The following LTN1 variants were observed in gnomAD, a reference collection of about 807,000 sequenced individuals.
LTN1 encodes listerin E3 ubiquitin protein ligase 1, also known as E3 ubiquitin-protein ligase listerin.
A neutral mutation model predicts 201.2 loss-of-function variants in LTN1; 88 were observed. The observed-to-expected ratio is 0.44, with a 90% CI of 0.37 to 0.52. The LOEUF (loss-of-function observed/expected upper bound fraction) is 0.52, where lower values mean the gene tolerates loss of function less well. LTN1 is among the 20% of genes least tolerant of loss of function. LTN1 has a pLI of 0.00. For missense variants in LTN1, 1,752 were observed against 2,038.7 expected (o/e 0.86, Z 2.71); for synonymous variants, 645 against 713.5 (o/e 0.90, Z 1.53).
intron 11 of LTN1, among the ~76,000 whole-genome samples, chr21:28,965,455 T>C (rs974282038): frequency 3.9e-5 from 6 of 152,176 alleles, no homozygotes; most frequent in African/African-American, 9.7e-5. Flanking sequence ...CTACATAGTG[T>C]TCCAGAGTAG....
At chr21:28,953,079 T>C (rs1325962235) in intron 17 of LTN1, 138 bp downstream of exon 17, 9 of 495,724 alleles carry the variant, frequency 1.8e-5, no homozygotes, top group Non-Finnish European at 2.8e-5. Flanking sequence ...CATAAACTAT[T>C]TATTATTAAG....
chr21:28,983,004 T>G (rs2084670675), intron 4 of LTN1, among the ~76,000 whole-genome samples: 1 of 152,142 alleles, frequency 6.6e-6, no homozygotes, highest in Admixed American at 6.5e-5. Flanking sequence ...TTGCCCAAGG[T>G]CACACACCTA....
Position 28,986,637 on chromosome 21 carries a change from A to ATTGTTCAT in LTN1, c.246+86_246+93dup. ...CAATTATAAAAGAACTTAGCAATAA[A>ATTGTTCAT]TTGTTCATTTTTCTTTACATAAAAC... On this transcript the variant is annotated intron_variant, in intron 2 of 29. Coordinates refer to ENST00000361371, the MANE Select transcript of LTN1 (RefSeq NM_015565.3). This position sits in a 1 kb window ranked among gnomAD's most constrained non-coding sequence, Gnocchi z 4.1. 1.1e-6 allele frequency: 1 copy of ATTGTTCAT among 919,600 alleles called. No individual in the cohort carries two copies. The allele number at this position is 919,600 out of a possible 1,614,324, so 57.0% of individuals were successfully genotyped here.
At chr21:28,942,159 C>G (rs2084302396) in intron 24 of LTN1, among the ~76,000 whole-genome samples, 1 of 152,170 alleles carries the variant, frequency 6.6e-6, no homozygotes, top group African/African-American at 2.4e-5. Context: ...CAGGCCTTCT[C>G]CAAACTTCTG....
chr21:28,938,284 T>C (rs768193730), intron 25 of LTN1, among the ~76,000 whole-genome samples: 5 of 152,200 alleles, frequency 3.3e-5, no homozygotes, highest in African/African-American at 7.2e-5. Context: ...TTAGGAGATA[T>C]ATGCTTAAAT....
intron 6 of LTN1, among the ~76,000 whole-genome samples, chr21:28,979,489 G>A (rs180958847): frequency 2.0e-4 from 31 of 152,208 alleles, no homozygotes; most frequent in African/African-American, 7.0e-4. Context: ...TGTACATACA[G>A]GAACATGATG....
At chr21:28,983,820 T>C (rs2084676680) in intron 4 of LTN1, among the ~76,000 whole-genome samples, 1 of 152,198 alleles carries the variant, frequency 6.6e-6, no homozygotes, top group Admixed American at 6.5e-5. Context: ...AATTATCAAT[T>C]CCCTCCTCAC....
At chr21:28,987,239 T>C (rs991429277) in intron 1 of LTN1, among the ~76,000 whole-genome samples, 4 of 152,232 alleles carry the variant, frequency 2.6e-5, no homozygotes, top group East Asian at 1.9e-4. Context: ...TTTAAAGAAA[T>C]TGATTAAAAT....
chr21:28,972,675 C>T (rs1234714795), intron 6 of LTN1, among the ~76,000 whole-genome samples: 2 of 152,138 alleles, frequency 1.3e-5, no homozygotes, highest in African/African-American at 2.4e-5. Context: ...ACGTAACAGA[C>T]ATAGGGGATA....
At chr21:28,939,330 G>T (rs570520414) in intron 25 of LTN1, among the ~76,000 whole-genome samples, 2 of 152,122 alleles carry the variant, frequency 1.3e-5, no homozygotes, top group Non-Finnish European at 2.9e-5. Flanking sequence ...CAGATATCAA[G>T]GGATGACTAT....
In LTN1 at chr21:28,958,420, T is replaced by C; in HGVS notation, c.2713A>G (p.Asn905Asp). ...TCCAAAGATGAAGCCTGAACTTGGTTCTTCAGCCACAGAGCAGACAAATGT... is the reference window on the plus strand; with the variant it reads ...TCCAAAGATGAAGCCTGAACTTGGTCCTTCAGCCACAGAGCAGACAAATGT... ...FLHLSALWLKNQVQASSLDIN... is the reference protein window; with the variant it reads ...FLHLSALWLKDQVQASSLDIN... The change falls in exon 14 of 30, where the codon AAC becomes GAC. Residue 905 changes from asparagine (N) to aspartate (D), a missense_variant. Asn to Asp is a conservative substitution (Grantham distance 23). Coordinates refer to ENST00000361371, the MANE Select transcript of LTN1 (RefSeq NM_015565.3). 1 of 1,606,598 alleles carries C rather than the reference T, an allele frequency of 6.2e-7. No homozygotes were observed. The highest frequency in any genetic ancestry group is 8.5e-7 in the Non-Finnish European group (1 of 1,177,920).
intron 28 of LTN1, 109 bp downstream of exon 28, chr21:28,932,361 A>C: frequency 1.1e-6 from 1 of 886,580 alleles, no homozygotes; most frequent in African/African-American, 1.7e-5. Flanking sequence ...AGGAAGTTTA[A>C]TATCTACTTT....
intron 6 of LTN1, among the ~76,000 whole-genome samples, chr21:28,980,553 TA>T (rs575072417): frequency 7.2e-6 from 1 of 138,120 alleles, no homozygotes; most frequent in Non-Finnish European, 1.6e-5. Context: ...TAATAATAAT[TA>T]AAAAAAAGAA....
At position 28,935,201 on chromosome 21, in the gene LTN1, C is replaced by T. The variant is rs765675804; in HGVS notation, c.4783G>A (p.Asp1595Asn). ...SSEKRVFNIV[D>N]RFTSKYVSSV... is the part of the protein sequence containing the mutation. ...CTGACATACTTGCTTGTAAATCTAT[C>T]CACAATATTGAAAACACGCTTCTCA... Residue 1595 changes from aspartate (D) to asparagine (N), a missense_variant, in exon 27 of 30, where the codon GAT (aspartate) becomes AAT (asparagine). Asp to Asn is a conservative substitution (Grantham distance 23). Transcript: ENST00000361371. The T allele has an allele frequency of 6.2e-7, 1 of 1,613,474 alleles. No individual in the cohort carries two copies. The highest frequency in any genetic ancestry group is 1.1e-5 in the South Asian group (1 of 91,066).
chr21:28,988,147 AAAAAAAAAACAAC>A (rs1333748676), intron 1 of LTN1, among the ~76,000 whole-genome samples: 5 of 146,284 alleles, frequency 3.4e-5, no homozygotes, highest in East Asian at 2.3e-4. Context: ...GTCTCAAAAA[AAAAAAAAAACAAC>A]AAAAAAAAAC....
intron 6 of LTN1, among the ~76,000 whole-genome samples, chr21:28,975,058 A>C (rs190261930): frequency 9.8e-4 from 149 of 152,324 alleles, no homozygotes; most frequent in African/African-American, 3.4e-3. Flanking sequence ...TGTCCAGTAT[A>C]CAATCTTAAA....
chr21:28,971,988 ATGGTC>A (rs1279183640), intron 6 of LTN1, among the ~76,000 whole-genome samples: 1 of 152,240 alleles, frequency 6.6e-6, no homozygotes, highest in Non-Finnish European at 1.5e-5. Flanking sequence ...GAACAATGCA[ATGGTC>A]TGAATGTCTC....
chr21:28,989,118 T>A (rs1049718776), intron 1 of LTN1, among the ~76,000 whole-genome samples: 2 of 152,190 alleles, frequency 1.3e-5, no homozygotes, highest in Non-Finnish European at 1.5e-5. Context: ...AAGGAAGTAG[T>A]TAGTGAATTA....
intron 11 of LTN1, 50 bp from the exon 12 acceptor site, chr21:28,960,756 C>G: frequency 7.8e-7 from 1 of 1,278,236 alleles, no homozygotes; most frequent in Non-Finnish European, 1.1e-6. Flanking sequence ...CAAATACTCT[C>G]TCTGTCCAAA....
Sources: allele counts gnomAD v4.1 joint callset (sites outside exome capture counted in the v4.1 genomes callset), GRCh38; gene constraint gnomAD v4.1.1; non-coding constraint Gnocchi (gnomAD v3.1); transcripts MANE v1.5; gene names NCBI Gene and HGNC (gene_info 2026-07-23, HGNC 2026-07-21).